Variants in ARHGAP29 observed in about 807,000 individuals in gnomAD.
ARHGAP29 encodes the protein rho GTPase-activating protein 29.
In ARHGAP29, 43 loss-of-function variants were observed where a neutral mutation model predicts 122.6. The ratio of observed to expected loss-of-function variants is 0.35; its 90% CI spans 0.27 to 0.45. ARHGAP29 has a LOEUF of 0.45. Among genes scored for constraint, ARHGAP29 ranks in the 20% least tolerant of loss-of-function variants. The pLI is 1.00. For synonymous variants in ARHGAP29, 506 were observed against 497.1 expected, an observed-to-expected ratio of 1.02 and a Z score of -0.24; for missense variants, 1,303 against 1,477.2, an observed-to-expected ratio of 0.88 and a Z score of 1.93.
At chr1:94,260,108 C>T (rs1002957893) in intron 1 of ARHGAP29, among the ~76,000 whole-genome samples, 6 of 152,210 alleles carry the variant, frequency 3.9e-5, no homozygotes, top group African/African-American at 7.2e-5. Context: ...CCAATGTCTA[C>T]CACCATTTGC....
At chr1:94,259,463 C>T (rs1044523507) in intron 1 of ARHGAP29, among the ~76,000 whole-genome samples, 4 of 152,154 alleles carry the variant, frequency 2.6e-5, no homozygotes, top group African/African-American at 4.8e-5. Flanking sequence ...GAAATAGGGT[C>T]TTTGCAGATA....
At chr1:94,193,597 T>C (rs1380722727) in intron 12 of ARHGAP29, 3 of 152,214 alleles carry the variant, frequency 2.0e-5, no homozygotes, top group Admixed American at 6.5e-5. Flanking sequence ...TGATTACTGG[T>C]ATCTCATGAG....
At chr1:94,312,886 T>C in the ARHGAP29 span, among the ~76,000 whole-genome samples, 2 of 152,212 alleles carry the variant, frequency 1.3e-5, no homozygotes, top group African/African-American at 4.8e-5. Flanking sequence ...TGCCTAGGGC[T>C]CCAGCCTCAG....
At chr1:94,216,044 T>C (rs1222780603) in intron 3 of ARHGAP29, among the ~76,000 whole-genome samples, 4 of 152,186 alleles carry the variant, frequency 2.6e-5, no homozygotes, top group African/African-American at 9.6e-5. Flanking sequence ...ACCAGTTCTG[T>C]TGGCAAAGGT....
intron 6 of ARHGAP29, 110 bp downstream of exon 6, chr1:94,205,525 C>A: frequency 9.8e-7 from 1 of 1,017,486 alleles, no homozygotes; most frequent in Non-Finnish European, 1.5e-6. Flanking sequence ...TATCATTTTG[C>A]ATTAAAAATG....
intron 1 of ARHGAP29, among the ~76,000 whole-genome samples, chr1:94,245,539 G>A (rs376370147): frequency 8.5e-5 from 13 of 152,258 alleles, no homozygotes; most frequent in African/African-American, 2.4e-4. Flanking sequence ...AATCTTAAAT[G>A]ACAAAAGAAT....
chr1:94,189,054 C>T lies in ARHGAP29; in HGVS notation c.1577-113G>A, dbSNP rs530567385. ...AATTTCTTTAACAATAACCAGTTAT[C>T]AACGTTAAGACAGGCACCATGGTAA... On this transcript the variant is annotated intron_variant, in intron 14 of 22. Coordinates refer to ENST00000260526, the MANE Select transcript of ARHGAP29 (RefSeq NM_004815.4). 9 of 1,347,810 alleles carry T rather than the reference C, an allele frequency of 6.7e-6. No homozygotes were observed. The East Asian group carries it at 2.1e-4, about 31-fold the overall frequency. The allele number at this position is 1,347,810 out of a possible 1,614,324, so 83.5% of individuals were successfully genotyped here. A position where few individuals can be genotyped will look rare whatever the true frequency, so the allele number is the denominator to read the frequency against.
rs1322410165 is a variant in ARHGAP29 at position 94,169,236 on chromosome 1, G to C, written c.*4633C>G. 6.6e-6 allele frequency among the ~76,000 whole-genome samples: 1 copy of C among 152,174 alleles called. No individual in the cohort carries two copies. ...TTGTCTCTCTTCCAGCCAGATGACA[G>C]GAGCCTAGGATTCCAATGGTGTGCT... On this transcript the variant is annotated 3_prime_UTR_variant, in exon 23 of 23. Transcript: ENST00000260526.
In ARHGAP29 at chr1:94,174,445, A is replaced by G; in HGVS notation, c.3210T>C (p.Asn1070=). Residue 1070 remains asparagine, a synonymous_variant, in exon 23 of 23, where the codon AAT becomes AAC. Coordinates refer to ENST00000260526, the MANE Select transcript of ARHGAP29 (RefSeq NM_004815.4). The part of the protein sequence containing the change: ...DAATTVCSKF[N]GFDQQTLQKI... ...TCTGTAGAGTTTGCTGGTCAAAGCC[A>G]TTAAATTTGGAACAAACAGTAGTAG... 1 of 1,614,228 alleles carries G rather than the reference A, an allele frequency of 6.2e-7. No individual in the cohort carries two copies. The highest frequency in any genetic ancestry group is 8.5e-7 in the Non-Finnish European group (1 of 1,180,040).
the ARHGAP29 span, among the ~76,000 whole-genome samples, chr1:94,281,643 A>G: frequency 6.6e-6 from 1 of 152,210 alleles, no homozygotes; most frequent in East Asian, 1.9e-4. Context: ...TTATGTGCAC[A>G]TAGACTTCTC....
At chr1:94,253,372 A>G (rs1454097744) in intron 1 of ARHGAP29, among the ~76,000 whole-genome samples, 4 of 152,076 alleles carry the variant, frequency 2.6e-5, no homozygotes, top group Non-Finnish European at 5.9e-5. Context: ...CCCTTTCTAC[A>G]CTAATGTTTT....
At chr1:94,237,048 G>T (rs1342967413) in intron 1 of ARHGAP29, among the ~76,000 whole-genome samples, 1 of 152,226 alleles carries the variant, frequency 6.6e-6, no homozygotes, top group African/African-American at 2.4e-5. Flanking sequence ...ATCATGGAGT[G>T]TTCTGAACAT....
chr1:94,259,240 G>A (rs544895156), intron 1 of ARHGAP29, among the ~76,000 whole-genome samples: 11 of 152,208 alleles, frequency 7.2e-5, no homozygotes, highest in Non-Finnish European at 2.9e-5. Context: ...GCTGGTCAAA[G>A]ATTTGAGATT....
At chr1:94,235,277 G>A (rs1295564677) in intron 1 of ARHGAP29, among the ~76,000 whole-genome samples, 1 of 152,134 alleles carries the variant, frequency 6.6e-6, no homozygotes, top group Non-Finnish European at 1.5e-5. Context: ...ATGAGAAGCT[G>A]GAACAATACA....
intron 1 of ARHGAP29, among the ~76,000 whole-genome samples, chr1:94,258,717 C>G (rs1654453655): frequency 6.6e-6 from 1 of 152,198 alleles, no homozygotes; most frequent in Admixed American, 6.5e-5. Context: ...TAAGGTCTTA[C>G]ATAGATTATC....
At chr1:94,299,769 G>C in the ARHGAP29 span, among the ~76,000 whole-genome samples, 109 of 152,160 alleles carry the variant, frequency 7.2e-4, no homozygotes, top group South Asian at 2.3e-3. Context: ...GGAAGGGGAG[G>C]GGGTAAAGGA....
At chr1:94,285,556 G>A in the ARHGAP29 span, among the ~76,000 whole-genome samples, 1 of 152,138 alleles carries the variant, frequency 6.6e-6, no homozygotes, top group East Asian at 1.9e-4. Context: ...AGATGAATGA[G>A]TGTTTGCACA....
At chr1:94,237,677 C>T, upstream of ARHGAP29, 1 of 985,424 alleles carries the variant, frequency 1.0e-6, no homozygotes, top group African/African-American at 1.7e-5. Context: ...CCCGCGCTCC[C>T]GGGGGCGGGG....
intron 1 of ARHGAP29, among the ~76,000 whole-genome samples, chr1:94,245,271 C>T (rs910511443): frequency 1.3e-5 from 2 of 152,070 alleles, no homozygotes; most frequent in African/African-American, 2.4e-5. Flanking sequence ...ATATATTCAC[C>T]CCTAAACTTG....
Sources: gnomAD v4.1 joint callset for allele counts (sites outside exome capture counted in the v4.1 genomes callset) on GRCh38, gnomAD v4.1.1 for gene constraint, MANE v1.5 for transcripts, NCBI Gene and HGNC (gene_info 2026-07-23, HGNC 2026-07-21) for gene names.